Variants in GFRA2 observed in about 807,000 individuals in gnomAD.
The protein encoded by GFRA2 is GDNF family receptor alpha 2, also known as GDNF family receptor alpha-2.
Under a neutral mutation model 48.3 loss-of-function variants are expected in GFRA2, and 17 were observed. The ratio of observed to expected loss-of-function variants is 0.35; its 90% confidence interval spans 0.24 to 0.53. GFRA2 has a LOEUF of 0.53. Ranked by LOEUF, GFRA2 falls within the 20% of genes least tolerant of loss-of-function variation. The pLI, the probability that GFRA2 is intolerant of heterozygous loss-of-function variation, is 0.93. For synonymous variants in GFRA2, 305 were observed against 257.2 expected, an observed-to-expected ratio of 1.19 and a Z score of -1.78; for missense variants, 660 against 637.3, an observed-to-expected ratio of 1.04 and a Z score of -0.38.
chr8:21,778,733 A>G (rs1177916054), intron 2 of GFRA2, among the ~76,000 whole-genome samples: 1 of 152,096 alleles, frequency 6.6e-6, no homozygotes, highest in Non-Finnish European at 1.5e-5. Context: ...TCCATAAAAA[A>G]TAAATTAGCC....
intron 3 of GFRA2, among the ~76,000 whole-genome samples, chr8:21,760,059 C>T (rs1805824861): frequency 6.6e-6 from 1 of 152,046 alleles, no homozygotes; most frequent in Admixed American, 6.6e-5. Flanking sequence ...CACAAAGGTC[C>T]TGAGACAGCT....
At chr8:21,802,652 G>T (rs1186169272) in intron 2 of GFRA2, among the ~76,000 whole-genome samples, 2 of 152,146 alleles carry the variant, frequency 1.3e-5, no homozygotes, top group African/African-American at 4.8e-5. Flanking sequence ...CCCACGCCTG[G>T]CCTTCTGTCT....
intron 4 of GFRA2, among the ~76,000 whole-genome samples, chr8:21,733,088 C>T (rs1190935568): frequency 2.0e-5 from 3 of 152,170 alleles, no homozygotes; most frequent in South Asian, 2.1e-4. Flanking sequence ...TGCTGGCTGC[C>T]GGCTGCCAGG....
chr8:21,768,441 G>T (rs1806284043), intron 3 of GFRA2, among the ~76,000 whole-genome samples: 1 of 152,138 alleles, frequency 6.6e-6, no homozygotes, highest in Non-Finnish European at 1.5e-5. Context: ...TCATCACAGG[G>T]CGGCCTCGGA....
At chr8:21,724,295 G>A (rs559950974) in intron 4 of GFRA2, among the ~76,000 whole-genome samples, 3 of 152,142 alleles carry the variant, frequency 2.0e-5, no homozygotes, top group Non-Finnish European at 4.4e-5. Flanking sequence ...TATACCAGAT[G>A]TCCTTACAGG....
In GFRA2 at chr8:21,750,651, T is replaced by C; in HGVS notation, c.731A>G (p.Glu244Gly). 2 of 1,613,700 alleles carry C rather than the reference T, an allele frequency of 1.2e-6. No individual in the cohort carries two copies. Among genetic ancestry groups the C allele is most frequent in the Non-Finnish European group, 1.7e-6 (2 of 1,179,728 alleles). ...RQTILPSCSYEDKEKPNCLDL... is the reference protein window; with the variant it reads ...RQTILPSCSYGDKEKPNCLDL... ...CAGGCAGTTGGGCTTCTCCTTGTCC[T>C]CATAGGAGCAGCTGGGCAGGATGGT... is the stretch of plus-strand genomic sequence containing the variant. The change falls in exon 4 of 9, where the codon GAG becomes GGG. Residue 244 changes from glutamate to glycine, a missense_variant. Coordinates refer to ENST00000524240, the MANE Select transcript of GFRA2 (RefSeq NM_001495.5). The surrounding 1 kb of genome is among the most constrained non-coding windows in gnomAD (Gnocchi z 5.7).
At chr8:21,711,674 G>A (rs944624113) in intron 4 of GFRA2, among the ~76,000 whole-genome samples, 6 of 147,342 alleles carry the variant, frequency 4.1e-5, no homozygotes, top group African/African-American at 1.3e-4. Flanking sequence ...AAATACTTAC[G>A]CTAAACAGTT....
At chr8:21,748,599 A>C (rs1021279403) in intron 4 of GFRA2, among the ~76,000 whole-genome samples, 4 of 152,214 alleles carry the variant, frequency 2.6e-5, no homozygotes, top group African/African-American at 9.7e-5. Flanking sequence ...GTTTAGCTGG[A>C]ATCCGACTCT....
chr8:21,732,190 G>A (rs1804231500), intron 4 of GFRA2, among the ~76,000 whole-genome samples: 2 of 152,226 alleles, frequency 1.3e-5, no homozygotes, highest in Non-Finnish European at 2.9e-5. Context: ...GAAAATAAAT[G>A]AGATGTGTTT....
rs557266323 is a variant in GFRA2 at position 21,707,551 on chromosome 8, A to G, written c.795-1510T>C. Among the ~76,000 whole-genome samples the G allele has an allele frequency of 6.6e-5, 10 of 152,274 alleles. No homozygotes were observed. The South Asian group carries it at 2.1e-3, about 32-fold the overall frequency. On this transcript the variant is annotated intron_variant, in intron 4 of 8. Coordinates refer to ENST00000524240, the MANE Select transcript of GFRA2 (RefSeq NM_001495.5). ...CCTGAGGGATGGTTCTGAGAGGAGG[A>G]AACCCTCCTGGGATGTGCCCCAGGA... is the stretch of plus-strand genomic sequence containing the variant.
chr8:21,806,714 A>C (rs887538874), intron 1 of GFRA2, among the ~76,000 whole-genome samples: 3 of 152,012 alleles, frequency 2.0e-5, no homozygotes, highest in Non-Finnish European at 2.9e-5. Flanking sequence ...TGATGCTCCC[A>C]CCTCTGCCTC....
chr8:21,811,373 G>A (rs940115878), intron 1 of GFRA2, among the ~76,000 whole-genome samples: 4 of 152,128 alleles, frequency 2.6e-5, no homozygotes, highest in African/African-American at 9.7e-5. Flanking sequence ...CCTAACATGT[G>A]ACTTTACCAG....
At chr8:21,775,155 C>T in intron 2 of GFRA2, 100 bp from the exon 3 acceptor site, 1 of 695,866 alleles carries the variant, frequency 1.4e-6, no homozygotes, top group South Asian at 1.6e-5. Flanking sequence ...CAGGGGAAAG[C>T]TCGTGCCACC....
intron 3 of GFRA2, 63 bp downstream of exon 3, chr8:21,774,909 T>TC: frequency 1.1e-6 from 1 of 889,386 alleles, no homozygotes; most frequent in Non-Finnish European, 1.9e-6. Flanking sequence ...AGCCCAGAGC[T>TC]CCATCTGCCA....
At chr8:21,727,214 C>T (rs1226099267) in intron 4 of GFRA2, among the ~76,000 whole-genome samples, 1 of 152,198 alleles carries the variant, frequency 6.6e-6, no homozygotes, top group Non-Finnish European at 1.5e-5. Context: ...CAGGCTGAAC[C>T]CTCTGTGTGT....
At chr8:21,774,556 C>T (rs1235442774) in intron 3 of GFRA2, among the ~76,000 whole-genome samples, 3 of 152,216 alleles carry the variant, frequency 2.0e-5, no homozygotes, top group African/African-American at 7.2e-5. Flanking sequence ...GACCTCGCAG[C>T]AATCCAATGA....
At chr8:21,764,793 C>T (rs574799996) in intron 3 of GFRA2, among the ~76,000 whole-genome samples, 70 of 152,348 alleles carry the variant, frequency 4.6e-4, no homozygotes, top group African/African-American at 1.7e-3. Flanking sequence ...TTTCTCAAGA[C>T]AGAACAAAAC....
chr8:21,694,174 C>T (rs1031560203), intron 8 of GFRA2, among the ~76,000 whole-genome samples: 3 of 149,630 alleles, frequency 2.0e-5, no homozygotes, highest in Non-Finnish European at 4.5e-5. Flanking sequence ...GCAACAGTGC[C>T]GAGCAGGTGG....
At chr8:21,775,184 G>A in intron 2 of GFRA2, 129 bp from the exon 3 acceptor site, 1 of 637,804 alleles carries the variant, frequency 1.6e-6, no homozygotes, top group South Asian at 1.9e-5. Context: ...AAGAGACAGG[G>A]CAGCCCTTCC....
Sources: gnomAD v4.1 joint callset for allele counts (sites outside exome capture counted in the v4.1 genomes callset) on GRCh38, gnomAD v4.1.1 for gene constraint, Gnocchi (gnomAD v3.1) non-coding constraint, MANE v1.5 for transcripts, NCBI Gene and HGNC (gene_info 2026-07-23, HGNC 2026-07-21) for gene names.